The following C9 variants were observed in gnomAD, a reference collection of about 807,000 sequenced individuals.
C9 encodes complement C9, also known as complement component C9.
A neutral mutation model predicts 65.4 loss-of-function variants in C9; 63 were observed. The observed-to-expected ratio is 0.96, with a 90% CI of 0.79 to 1.19. C9 has a LOEUF of 1.19. C9 is among the 50% of genes most tolerant of loss of function. C9 has a pLI of 0.00. For missense variants in C9, 744 were observed against 670.1 expected (o/e 1.11, Z -1.22); for synonymous variants, 229 against 227.9 (o/e 1.00, Z -0.04).
At chr5:39,308,190 C>T in intron 8 of C9, 40 bp downstream of exon 8, 1 of 1,592,880 alleles carries the variant, frequency 6.3e-7, no homozygotes, top group Non-Finnish European at 8.6e-7. Context: ...GACATCTACC[C>T]TCAGGCTTTA....
chr5:39,341,417 T>A, intron 3 of C9, 124 bp from the exon 4 acceptor site: 1 of 1,426,456 alleles, frequency 7.0e-7, no homozygotes, highest in Non-Finnish European at 9.9e-7. Flanking sequence ...GAGTTCTTTG[T>A]ACAGAATATA....
chr5:39,357,639 G>A (rs1004457489), intron 1 of C9, among the ~76,000 whole-genome samples: 4 of 152,312 alleles, frequency 2.6e-5, no homozygotes, highest in East Asian at 1.9e-4. Flanking sequence ...AAAGCAGACC[G>A]GGTAAGAGGA....
At chr5:39,342,336 C>T in intron 1 of C9, 140 bp from the exon 2 acceptor site, 1 of 607,164 alleles carries the variant, frequency 1.6e-6, no homozygotes. Flanking sequence ...TCTCATTTCA[C>T]CCTCAATTGC....
chr5:39,338,167 A>G (rs1295835445), intron 4 of C9, among the ~76,000 whole-genome samples: 2 of 152,194 alleles, frequency 1.3e-5, no homozygotes, highest in African/African-American at 4.8e-5. Flanking sequence ...CCACTCTCCT[A>G]TATTCCTTAA....
In C9 at chr5:39,359,088, A is replaced by ATGTG. The variant is rs72196067; in HGVS notation, c.77+5296_77+5299dup. 1.2e-3 allele frequency among the ~76,000 whole-genome samples: 128 copies of ATGTG among 109,114 alleles called. 3 individuals carry two copies. The highest frequency in any genetic ancestry group is 5.4e-3 in the Middle Eastern group (1 of 186). The allele number at this position is 109,114 out of a possible 152,430, so 71.6% of individuals were successfully genotyped here. A position where few individuals can be genotyped will look rare whatever the true frequency, so the allele number is the denominator to read the frequency against. On this transcript the variant is annotated intron_variant, in intron 1 of 10. Transcript: ENST00000263408. ...TATATATATGTGTGTGTATATATAT[A>ATGTG]TGTGTGTGTGTGTGTATATATATAT... is the stretch of plus-strand genomic sequence containing the variant.
intron 6 of C9, among the ~76,000 whole-genome samples, chr5:39,313,619 T>C (rs1753524767): frequency 6.6e-6 from 1 of 152,238 alleles, no homozygotes; most frequent in Non-Finnish European, 1.5e-5. Context: ...TGCTGTTCCA[T>C]AGACCACACT....
chr5:39,297,440 G>C (rs144949874), intron 9 of C9, among the ~76,000 whole-genome samples: 62 of 151,574 alleles, frequency 4.1e-4, no homozygotes, highest in African/African-American at 1.4e-3. Context: ...TTAAAATACA[G>C]ATAGTTACTT....
At chr5:39,305,686 T>C (rs1232024084) in intron 9 of C9, among the ~76,000 whole-genome samples, 2 of 152,170 alleles carry the variant, frequency 1.3e-5, no homozygotes, top group African/African-American at 4.8e-5. Flanking sequence ...GTCATTTATA[T>C]CTTTACAATG....
At chr5:39,344,797 A>T (rs1386913553) in intron 1 of C9, among the ~76,000 whole-genome samples, 1 of 152,246 alleles carries the variant, frequency 6.6e-6, no homozygotes, top group Non-Finnish European at 1.5e-5. Flanking sequence ...CCATAAAGGG[A>T]AACCCATCAG....
chr5:39,307,274 C>T (rs1350766069), intron 8 of C9, among the ~76,000 whole-genome samples: 1 of 152,156 alleles, frequency 6.6e-6, no homozygotes, highest in African/African-American at 2.4e-5. Flanking sequence ...CTCAGTGTCT[C>T]TCTGTAGATG....
intron 4 of C9, among the ~76,000 whole-genome samples, chr5:39,339,592 A>T (rs1295140626): frequency 7.0e-6 from 1 of 142,224 alleles, no homozygotes; most frequent in Non-Finnish European, 1.5e-5. Context: ...AGCACTCCCC[A>T]TTCTCACCCC....
chr5:39,361,682 C>G (rs1231549424), intron 1 of C9, among the ~76,000 whole-genome samples: 2 of 152,196 alleles, frequency 1.3e-5, no homozygotes, highest in Non-Finnish European at 2.9e-5. Flanking sequence ...AAGCAACGCT[C>G]TGAGCTACTA....
At chr5:39,344,251 A>T (rs567862172) in intron 1 of C9, among the ~76,000 whole-genome samples, 146 of 152,314 alleles carry the variant, frequency 9.6e-4, no homozygotes, top group African/African-American at 3.2e-3. Flanking sequence ...TTCGAACCCA[A>T]TGCAAAGAAG....
chr5:39,349,019 T>G (rs757467543), intron 1 of C9, among the ~76,000 whole-genome samples: 14 of 8,876 alleles, frequency 1.6e-3, no homozygotes, highest in Non-Finnish European at 2.7e-3. Flanking sequence ...TGGGGCATGT[T>G]GTGGGGTGGG....
intron 1 of C9, among the ~76,000 whole-genome samples, chr5:39,359,102 G>GTGTGTATA (rs1407613505): frequency 1.3e-3 from 139 of 103,208 alleles, no homozygotes; most frequent in Non-Finnish European, 2.0e-3. Flanking sequence ...GTGTGTGTGT[G>GTGTGTATA]TATATATATA....
chr5:39,335,535 A>G (rs1753948381), intron 4 of C9, among the ~76,000 whole-genome samples: 1 of 152,210 alleles, frequency 6.6e-6, no homozygotes, highest in South Asian at 2.1e-4. Context: ...AACAATTTAT[A>G]TGGCATTTAC....
At chr5:39,363,975 A>C (rs957129167) in intron 1 of C9, among the ~76,000 whole-genome samples, 1 of 152,234 alleles carries the variant, frequency 6.6e-6, no homozygotes, top group Non-Finnish European at 1.5e-5. Flanking sequence ...ATGTGGAGGC[A>C]AAAGGGTGAT....
chr5:39,349,328 T>C (rs1754274948), intron 1 of C9, among the ~76,000 whole-genome samples: 2 of 152,142 alleles, frequency 1.3e-5, no homozygotes, highest in South Asian at 4.1e-4. Flanking sequence ...CCATTTGTAA[T>C]ATAAAGTGTT....
Position 39,306,694 on chromosome 5 carries a change from C to T in C9, c.1339G>A (p.Gly447Arg). The change falls in exon 9 of 11, where the codon GGA becomes AGA. Residue 447 changes from glycine to arginine, a missense_variant. Coordinates refer to ENST00000263408, the MANE Select transcript of C9 (RefSeq NM_001737.5). ...AFELKEKLLR[G>R]TVIDVTDFVN... ...AAGTCAGTCACATCAATCACGGTTCCTCGGAGAAGCTTTTCTTTCAGTTCA... is the reference window on the plus strand; with the variant it reads ...AAGTCAGTCACATCAATCACGGTTCTTCGGAGAAGCTTTTCTTTCAGTTCA... 3 of 1,613,450 alleles carry T rather than the reference C, an allele frequency of 1.9e-6. No individual in the cohort carries two copies. The highest frequency in any genetic ancestry group is 2.5e-6 in the Non-Finnish European group (3 of 1,179,458).
Sources: allele counts gnomAD v4.1 joint callset (sites outside exome capture counted in the v4.1 genomes callset), GRCh38; gene constraint gnomAD v4.1.1; transcripts MANE v1.5; gene names NCBI Gene and HGNC (gene_info 2026-07-23, HGNC 2026-07-21).